The following CTNNA2 variants were observed in gnomAD, a reference collection of about 807,000 sequenced individuals.
CTNNA2 encodes the protein catenin alpha-2.
A neutral mutation model predicts 101.0 loss-of-function variants in CTNNA2; 42 were observed. The observed-to-expected ratio is 0.42, with a 90% CI of 0.32 to 0.54. The LOEUF (loss-of-function observed/expected upper bound fraction) is 0.54. Among genes scored for constraint, CTNNA2 ranks in the 20% least tolerant of loss-of-function variants. The probability of loss-of-function intolerance (pLI) is 0.14; values close to 1 mark genes in which losing one functional copy is unlikely to be tolerated. For missense variants in CTNNA2, 871 were observed against 1,223.1 expected (o/e 0.71, Z 4.29); for synonymous variants, 450 against 456.4 (o/e 0.99, Z 0.18).
At chr2:80,048,002 G>T (rs1021758703) in intron 7 of CTNNA2, among the ~76,000 whole-genome samples, 7 of 152,118 alleles carry the variant, frequency 4.6e-5, no homozygotes, top group Non-Finnish European at 1.0e-4. Context: ...ATGGCACAAA[G>T]ACATTTCATT....
chr2:80,152,699 TA>T (rs35574251), intron 7 of CTNNA2, among the ~76,000 whole-genome samples: 17,471 of 143,406 alleles, frequency 0.12, 1,755 homozygotes, highest in African/African-American at 0.28. Flanking sequence ...TTATTGTACT[TA>T]AAAAAAAAAA....
intron 7 of CTNNA2, among the ~76,000 whole-genome samples, chr2:80,330,731 C>G (rs969807579): frequency 1.3e-5 from 2 of 152,100 alleles, no homozygotes; most frequent in African/African-American, 2.4e-5. Flanking sequence ...CCATTGCCAC[C>G]AAGAGTCTTG....
chr2:80,148,822 C>A (rs1449726697), intron 7 of CTNNA2, among the ~76,000 whole-genome samples: 1 of 152,112 alleles, frequency 6.6e-6, no homozygotes, highest in Non-Finnish European at 1.5e-5. Flanking sequence ...GAAGGTTGAA[C>A]CACTGGACTC....
intron 7 of CTNNA2, among the ~76,000 whole-genome samples, chr2:80,024,659 C>G (rs559223252): frequency 6.6e-6 from 1 of 152,146 alleles, no homozygotes; most frequent in Admixed American, 6.5e-5. Context: ...GTGTGGGCCC[C>G]GCAGCAGTGT....
At chr2:79,743,550 T>G (rs960632977) in intron 2 of CTNNA2, among the ~76,000 whole-genome samples, 5 of 150,952 alleles carry the variant, frequency 3.3e-5, no homozygotes, top group Non-Finnish European at 5.9e-5. Context: ...TTTTTTTTTT[T>G]GAGACGAAGT....
intron 18 of CTNNA2, among the ~76,000 whole-genome samples, chr2:80,640,109 CAA>C (rs550111018): frequency 6.6e-6 from 1 of 151,154 alleles, no homozygotes; most frequent in African/African-American, 2.4e-5. Flanking sequence ...CAAAAAAAAA[CAA>C]AAAAACAAAA....
intron 3 of CTNNA2, among the ~76,000 whole-genome samples, chr2:79,820,255 G>T (rs1226828636): frequency 6.6e-6 from 1 of 152,108 alleles, no homozygotes; most frequent in Non-Finnish European, 1.5e-5. Context: ...CCTTGTTAGT[G>T]CATCTTCTAT....
intron 3 of CTNNA2, among the ~76,000 whole-genome samples, chr2:79,354,529 T>C (rs940891749): frequency 1.3e-5 from 2 of 152,182 alleles, no homozygotes; most frequent in African/African-American, 2.4e-5. Flanking sequence ...TTCCATTTGT[T>C]CAATTTTGTT....
intron 2 of CTNNA2, among the ~76,000 whole-genome samples, chr2:79,683,691 A>G (rs1037719566): frequency 2.0e-5 from 3 of 152,150 alleles, no homozygotes; most frequent in Non-Finnish European, 4.4e-5. Context: ...CACCTCTGTC[A>G]TTGTCAATTT....
chr2:80,352,130 C>T (rs143271738), intron 7 of CTNNA2, among the ~76,000 whole-genome samples: 4 of 152,156 alleles, frequency 2.6e-5, no homozygotes, highest in East Asian at 1.9e-4. Context: ...TAATATTTTT[C>T]GATGTAGCAA....
At chr2:80,082,032 T>C (rs1028494605) in intron 7 of CTNNA2, among the ~76,000 whole-genome samples, 8 of 152,106 alleles carry the variant, frequency 5.3e-5, no homozygotes, top group Non-Finnish European at 8.8e-5. Flanking sequence ...TATTGTGGTG[T>C]TGGAGGACCT....
At chr2:80,187,283 GT>G (rs1424014171) in intron 7 of CTNNA2, among the ~76,000 whole-genome samples, 2 of 152,212 alleles carry the variant, frequency 1.3e-5, no homozygotes, top group Non-Finnish European at 2.9e-5. Flanking sequence ...CATCTGTTGT[GT>G]CTGAAAAGTG....
intron 3 of CTNNA2, among the ~76,000 whole-genome samples, chr2:79,829,082 T>G (rs1010917536): frequency 1.3e-5 from 2 of 152,112 alleles, no homozygotes; most frequent in Admixed American, 6.6e-5. Context: ...AGTGTCTACT[T>G]GAAGAATGAG....
At chr2:79,958,610 C>T (rs1020632062) in intron 7 of CTNNA2, among the ~76,000 whole-genome samples, 5 of 152,124 alleles carry the variant, frequency 3.3e-5, no homozygotes, top group African/African-American at 7.2e-5. Flanking sequence ...AAAGGAATGC[C>T]GGTCTCCTAA....
chr2:80,433,353 G>C (rs1323989057), intron 9 of CTNNA2, among the ~76,000 whole-genome samples: 1 of 152,036 alleles, frequency 6.6e-6, no homozygotes, highest in East Asian at 2.0e-4. Context: ...CCACTGTGGA[G>C]GGTGAATCAT....
intron 7 of CTNNA2, among the ~76,000 whole-genome samples, chr2:79,969,737 T>C (rs1168987109): frequency 1.3e-5 from 2 of 151,912 alleles, no homozygotes; most frequent in Non-Finnish European, 2.9e-5. Context: ...GCTTTTCCTT[T>C]CACTCTTGGC....
chr2:79,235,606 C>A (rs1187193863), intron 2 of CTNNA2, among the ~76,000 whole-genome samples: 1 of 152,186 alleles, frequency 6.6e-6, no homozygotes, highest in Non-Finnish European at 1.5e-5. Context: ...CAGAAGGAGG[C>A]ACACACCACT....
At chr2:79,815,086 G>A (rs1016777723) in intron 3 of CTNNA2, among the ~76,000 whole-genome samples, 2 of 152,116 alleles carry the variant, frequency 1.3e-5, no homozygotes, top group African/African-American at 2.4e-5. Flanking sequence ...TTGGAGAGTT[G>A]TCTATTCATG....
chr2:79,917,197 G>A (rs1053480392), intron 7 of CTNNA2, among the ~76,000 whole-genome samples: 13 of 151,842 alleles, frequency 8.6e-5, no homozygotes, highest in South Asian at 2.1e-4. Flanking sequence ...TCAGCCTGCC[G>A]AGTAGCTGGG....
Sources: allele counts gnomAD v4.1 joint callset (sites outside exome capture counted in the v4.1 genomes callset), GRCh38; gene constraint gnomAD v4.1.1; transcripts MANE v1.5; gene names NCBI Gene and HGNC (gene_info 2026-07-23, HGNC 2026-07-21).